Variants in ASAP1 observed in about 807,000 individuals in gnomAD.
ASAP1 encodes ArfGAP with SH3 domain, ankyrin repeat and PH domain 1.
ASAP1 carries 43 observed loss-of-function variants against 145.2 expected under a neutral mutation model. The observed-to-expected ratio is 0.30, with a 90% confidence interval of 0.23 to 0.38. The LOEUF (loss-of-function observed/expected upper bound fraction) is 0.38, where lower values mean the gene tolerates loss of function less well. Ranked by LOEUF, ASAP1 falls within the 10% of genes least tolerant of loss-of-function variation. The pLI, the probability that ASAP1 is intolerant of heterozygous loss-of-function variation, is 1.00. For missense variants in ASAP1, 1,018 were observed against 1,355.3 expected (o/e 0.75, Z 3.91); for synonymous variants, 546 against 515.5 (o/e 1.06, Z -0.80).
chr8:130,160,579 CAACA>C (rs2097667123), intron 11 of ASAP1, among the ~76,000 whole-genome samples: 33 of 152,122 alleles, frequency 2.2e-4, no homozygotes, highest in Admixed American at 2.0e-3. Flanking sequence ...AGGGCCAAAC[CAACA>C]ACATAGATGT....
intron 26 of ASAP1, among the ~76,000 whole-genome samples, chr8:130,079,023 GTC>G (rs10576537): frequency 0.12 from 18,036 of 151,954 alleles, 1,520 homozygotes; most frequent in African/African-American, 0.24. Context: ...CTGAGGCCTT[GTC>G]TCTACAAAAA....
At chr8:130,100,314 TTTTCTTTC>T (rs112085116) in intron 24 of ASAP1, among the ~76,000 whole-genome samples, 87 of 151,532 alleles carry the variant, frequency 5.7e-4, no homozygotes, top group African/African-American at 1.3e-3. Flanking sequence ...ATATGTCGTG[TTTTCTTTC>T]TTTCTTTCTT....
At chr8:130,089,671 C>A in intron 25 of ASAP1, among the ~76,000 whole-genome samples, 1 of 152,206 alleles carries the variant, frequency 6.6e-6, no homozygotes, top group East Asian at 1.9e-4. Flanking sequence ...TAATACAACA[C>A]AGACCTCAAG....
At chr8:130,354,196 G>A (rs1181934979) in intron 3 of ASAP1, among the ~76,000 whole-genome samples, 1 of 152,086 alleles carries the variant, frequency 6.6e-6, no homozygotes, top group African/African-American at 2.4e-5. Context: ...AGCCGGGAGG[G>A]AGATTTTTAA....
chr8:130,228,328 C>T (rs1321792829), intron 4 of ASAP1, among the ~76,000 whole-genome samples: 1 of 152,110 alleles, frequency 6.6e-6, no homozygotes, highest in Non-Finnish European at 1.5e-5. Context: ...GCATCACCCT[C>T]AAATGTGGAC....
chr8:130,080,790 G>A (rs931033088), intron 25 of ASAP1, among the ~76,000 whole-genome samples: 10 of 151,988 alleles, frequency 6.6e-5, no homozygotes, highest in African/African-American at 2.2e-4. Context: ...ATACCACCAC[G>A]CCCAGCTAAT....
chr8:130,118,800 T>A, intron 18 of ASAP1, 125 bp from the exon 19 acceptor site: 1 of 670,164 alleles, frequency 1.5e-6, no homozygotes, highest in Non-Finnish European at 2.2e-6. Context: ...ACCATTCAAA[T>A]AAACCAGGTT....
At chr8:130,248,929 T>C (rs1358422289) in intron 3 of ASAP1, among the ~76,000 whole-genome samples, 1 of 152,188 alleles carries the variant, frequency 6.6e-6, no homozygotes, top group South Asian at 2.1e-4. Context: ...ATTTCTTTTT[T>C]GTTGCTTTCT....
At chr8:130,252,897 C>T (rs909373267) in intron 3 of ASAP1, among the ~76,000 whole-genome samples, 2 of 152,014 alleles carry the variant, frequency 1.3e-5, no homozygotes, top group African/African-American at 2.4e-5. Flanking sequence ...TCCTGAGTCA[C>T]ATCTTTTCAG....
At chr8:130,404,866 T>G (rs1828954208) in intron 1 of ASAP1, among the ~76,000 whole-genome samples, 1 of 152,138 alleles carries the variant, frequency 6.6e-6, no homozygotes, top group South Asian at 2.1e-4. Context: ...CCTCTTATGA[T>G]GCACCACAAA....
intron 3 of ASAP1, among the ~76,000 whole-genome samples, chr8:130,335,480 T>G (rs1246857245): frequency 1.3e-5 from 2 of 152,206 alleles, no homozygotes; most frequent in African/African-American, 2.4e-5. Context: ...CACACTAACT[T>G]CTACTCAGAA....
At chr8:130,282,034 A>C (rs1586747511) in intron 3 of ASAP1, among the ~76,000 whole-genome samples, 2 of 147,670 alleles carry the variant, frequency 1.4e-5, no homozygotes, top group African/African-American at 2.5e-5. Context: ...GACCGATTAC[A>C]CTCCAGTCCA....
chr8:130,227,326 C>T (rs950126872), intron 4 of ASAP1, among the ~76,000 whole-genome samples: 1 of 152,072 alleles, frequency 6.6e-6, no homozygotes, highest in African/African-American at 2.4e-5. Flanking sequence ...AATTACAGCT[C>T]ACTGCACACT....
intron 2 of ASAP1, chr8:130,361,010 T>C (rs1216479707): frequency 6.5e-6 from 1 of 154,480 alleles, no homozygotes; most frequent in Admixed American, 6.4e-5. Flanking sequence ...ACACGGCACT[T>C]AGGCTTCACT....
intron 3 of ASAP1, among the ~76,000 whole-genome samples, chr8:130,274,251 G>C (rs1820749673): frequency 6.6e-6 from 1 of 152,204 alleles, no homozygotes; most frequent in African/African-American, 2.4e-5. Context: ...CTGATACTAT[G>C]AAGATGGAAG....
At chr8:130,176,179 A>G (rs1357507568) in intron 9 of ASAP1, among the ~76,000 whole-genome samples, 1 of 152,198 alleles carries the variant, frequency 6.6e-6, no homozygotes. Context: ...TGTCGTGACT[A>G]TTACTACCTA....
Position 130,358,574 on chromosome 8 carries a change from G to A in ASAP1, c.60-431C>T, listed in dbSNP as rs1293263335. ...TGCCTCCTCAGACGCGCTGACAGGC[G>A]GCGGCGCGGGCCTGACTGACTGAGC... is the stretch of plus-strand genomic sequence containing the variant. On this transcript the variant is annotated intron_variant, in intron 2 of 29. Transcript: ENST00000518721. The surrounding 1 kb of genome is among the most constrained non-coding windows in gnomAD (Gnocchi z 4.1). Among the ~76,000 whole-genome samples, 1 of 147,558 alleles carries A rather than the reference G, an allele frequency of 6.8e-6. No individual in the cohort carries two copies. The highest frequency in any genetic ancestry group is 2.4e-5 in the African/African-American group (1 of 40,938).
At chr8:130,210,315 CA>C (rs1816500677) in intron 5 of ASAP1, among the ~76,000 whole-genome samples, 1 of 152,078 alleles carries the variant, frequency 6.6e-6, no homozygotes, top group African/African-American at 2.4e-5. Context: ...GTTATTTTTC[CA>C]TAAAAATAGA....
chr8:130,126,434 G>A (rs1197591005), intron 16 of ASAP1, among the ~76,000 whole-genome samples: 3 of 152,152 alleles, frequency 2.0e-5, no homozygotes, highest in Non-Finnish European at 4.4e-5. Flanking sequence ...TGCTCACAGG[G>A]GAGTGGATTC....
Sources: allele counts gnomAD v4.1 joint callset (sites outside exome capture counted in the v4.1 genomes callset), GRCh38; gene constraint gnomAD v4.1.1; non-coding constraint Gnocchi (gnomAD v3.1); transcripts MANE v1.5; gene names NCBI Gene and HGNC (gene_info 2026-07-23, HGNC 2026-07-21).